WDPCP: variants seen among roughly 807,000 people sequenced by gnomAD.
The protein encoded by WDPCP is WD repeat containing planar cell polarity effector, also known as WD repeat-containing and planar cell polarity effector protein fritz homolog.
A neutral mutation model predicts 93.1 loss-of-function variants in WDPCP; 71 were observed. The observed-to-expected ratio is 0.76, with a 90% CI of 0.63 to 0.93. WDPCP has a LOEUF of 0.93. Ranked by LOEUF, WDPCP falls within the 40% of genes least tolerant of loss-of-function variation. The pLI, the probability that WDPCP is intolerant of heterozygous loss-of-function variation, is 0.00. For synonymous variants in WDPCP, 315 were observed against 315.0 expected, an observed-to-expected ratio of 1.00 and a Z score of 0.00; for missense variants, 844 against 887.4, an observed-to-expected ratio of 0.95 and a Z score of 0.62.
chr2:63,618,742 G>A (rs1454805345), intron 3 of WDPCP, among the ~76,000 whole-genome samples: 3 of 150,476 alleles, frequency 2.0e-5, no homozygotes, highest in African/African-American at 2.5e-5. Flanking sequence ...CCAGGCTGGA[G>A]TGCAATGGCG....
intron 12 of WDPCP, among the ~76,000 whole-genome samples, chr2:63,313,887 T>TATATA (rs1268057820): frequency 1.0e-4 from 6 of 57,650 alleles, no homozygotes; most frequent in East Asian, 3.5e-4. Context: ...TATATATATA[T>TATATA]TTTTTTTTTT....
intron 1 of WDPCP, among the ~76,000 whole-genome samples, chr2:63,558,812 G>A (rs994018218): frequency 2.6e-5 from 4 of 151,828 alleles, no homozygotes; most frequent in African/African-American, 7.3e-5. Context: ...CCAAAAAAAC[G>A]CCAGGACCAA....
intron 2 of WDPCP, among the ~76,000 whole-genome samples, chr2:63,728,284 G>A (rs1295385113): frequency 1.3e-5 from 2 of 152,186 alleles, no homozygotes; most frequent in Non-Finnish European, 2.9e-5. Context: ...TTCAGAAACT[G>A]GACCCACATC....
chr2:63,676,618 G>C (rs900265638), intron 2 of WDPCP, among the ~76,000 whole-genome samples: 1 of 152,078 alleles, frequency 6.6e-6, no homozygotes, highest in Non-Finnish European at 1.5e-5. Flanking sequence ...TCTAACAATC[G>C]TGGAACAATT....
chr2:63,671,855 T>G (rs1314086849), intron 2 of WDPCP, among the ~76,000 whole-genome samples: 1 of 152,190 alleles, frequency 6.6e-6, no homozygotes, highest in Non-Finnish European at 1.5e-5. Flanking sequence ...TCAATTATAC[T>G]AACAGACCCT....
chr2:63,682,775 G>C (rs1668738575), intron 2 of WDPCP, among the ~76,000 whole-genome samples: 1 of 151,696 alleles, frequency 6.6e-6, no homozygotes, highest in Non-Finnish European at 1.5e-5. Context: ...CAAGAGAAAA[G>C]AAACAAAAAA....
At chr2:63,801,480 A>G (rs1293559903) in intron 2 of WDPCP, among the ~76,000 whole-genome samples, 1 of 152,190 alleles carries the variant, frequency 6.6e-6, no homozygotes, top group Non-Finnish European at 1.5e-5. Flanking sequence ...CTCCCACAGC[A>G]TGGAAGGTGG....
At chr2:63,182,456 A>G (rs1277008511) in intron 14 of WDPCP, among the ~76,000 whole-genome samples, 2 of 151,968 alleles carry the variant, frequency 1.3e-5, no homozygotes, top group Non-Finnish European at 2.9e-5. Context: ...TGTTTACTTG[A>G]GTATGTTGAA....
chr2:63,173,191 C>A (rs1241153467), intron 15 of WDPCP, among the ~76,000 whole-genome samples: 1 of 151,714 alleles, frequency 6.6e-6, no homozygotes, highest in African/African-American at 2.4e-5. Flanking sequence ...TCGCGTGAAC[C>A]CAGGAGGTGG....
intron 1 of WDPCP, among the ~76,000 whole-genome samples, chr2:63,557,245 T>C (rs13003009): frequency 0.19 from 29,392 of 151,932 alleles, 3,038 homozygotes; most frequent in Middle Eastern, 0.28. Flanking sequence ...ACCCCAACAG[T>C]GTGCTGTATT....
At chr2:63,507,018 C>CA (rs1282660910) in intron 1 of WDPCP, among the ~76,000 whole-genome samples, 1 of 151,612 alleles carries the variant, frequency 6.6e-6, no homozygotes, top group Non-Finnish European at 1.5e-5. Context: ...GGTGATCAGT[C>CA]ACAGTGATTC....
At chr2:63,665,611 T>C (rs984397239) in intron 2 of WDPCP, among the ~76,000 whole-genome samples, 2 of 152,136 alleles carry the variant, frequency 1.3e-5, no homozygotes, top group African/African-American at 2.4e-5. Context: ...ATTCAACCCA[T>C]AGCAGTGGTC....
intron 2 of WDPCP, among the ~76,000 whole-genome samples, chr2:63,742,353 G>A (rs1480091451): frequency 6.6e-6 from 1 of 151,866 alleles, no homozygotes; most frequent in Non-Finnish European, 1.5e-5. Context: ...TATAATTTTA[G>A]TGGTCCTCTT....
chr2:63,322,999 T>G (rs911916427), intron 12 of WDPCP, among the ~76,000 whole-genome samples: 1 of 152,230 alleles, frequency 6.6e-6, no homozygotes, highest in African/African-American at 2.4e-5. Flanking sequence ...CCCTGACTCT[T>G]CAGAGTTGGT....
intron 17 of WDPCP, among the ~76,000 whole-genome samples, chr2:63,141,370 T>C (rs1021829787): frequency 6.6e-6 from 1 of 152,152 alleles, no homozygotes; most frequent in Non-Finnish European, 1.5e-5. Context: ...AGCCACCATG[T>C]CCAGCTGATT....
intron 2 of WDPCP, among the ~76,000 whole-genome samples, chr2:63,803,226 A>T (rs1339793769): frequency 6.6e-6 from 1 of 152,234 alleles, no homozygotes; most frequent in Non-Finnish European, 1.5e-5. Flanking sequence ...CAGAGATACC[A>T]ACCCTAAAGA....
At chr2:63,462,828 G>A (rs1348163826) in intron 6 of WDPCP, among the ~76,000 whole-genome samples, 1 of 152,154 alleles carries the variant, frequency 6.6e-6, no homozygotes, top group African/African-American at 2.4e-5. Flanking sequence ...ATGGAAGTCA[G>A]GGCCATTCCT....
chr2:63,809,556 G>A (rs1376453536), intron 2 of WDPCP, among the ~76,000 whole-genome samples: 5 of 152,216 alleles, frequency 3.3e-5, no homozygotes, highest in African/African-American at 4.8e-5. Context: ...TTTTCATTTT[G>A]TTCTGTACCA....
At position 63,439,878 on chromosome 2, in the gene WDPCP, C is replaced by G. The variant is rs1038676745; in HGVS notation, c.385-7G>C. 5 of 1,609,598 alleles carry G rather than the reference C, an allele frequency of 3.1e-6. No homozygotes were observed. In the African/African-American group the frequency reaches 5.4e-5, roughly 17 times the overall value. ...CACCTGAACCAAAAAGGAGCTAAAA[C>G]CAGGTAAGTGGGGGAGAGAGGGAGG... On this transcript the variant is annotated splice_polypyrimidine_tract_variant and splice_region_variant and intron_variant, in intron 6 of 17. Coordinates refer to ENST00000272321, the MANE Select transcript of WDPCP (RefSeq NM_015910.7).
Sources: gnomAD v4.1 joint callset for allele counts (sites outside exome capture counted in the v4.1 genomes callset) on GRCh38, gnomAD v4.1.1 for gene constraint, MANE v1.5 for transcripts, NCBI Gene and HGNC (gene_info 2026-07-23, HGNC 2026-07-21) for gene names.